The following DPH6 variants were observed in gnomAD, a reference collection of about 807,000 sequenced individuals.
DPH6 encodes diphthine--ammonia ligase.
In DPH6, 33 loss-of-function variants were observed where a neutral mutation model predicts 38.2. The observed-to-expected ratio is 0.86, with a 90% CI of 0.65 to 1.15. The LOEUF is 1.15. DPH6 is among the 50% of genes most tolerant of loss of function. The pLI is 0.00. For missense variants in DPH6, 325 were observed against 320.0 expected (o/e 1.02, Z -0.12); for synonymous variants, 108 against 103.0 (o/e 1.05, Z -0.30).
chr15:35,181,604 T>C, the DPH6 span, among the ~76,000 whole-genome samples: 1 of 152,156 alleles, frequency 6.6e-6, no homozygotes, highest in Admixed American at 6.6e-5. Flanking sequence ...CTACTTTAAC[T>C]GTCTTACATG....
chr15:35,462,618 C>G (rs757379717), intron 3 of DPH6, among the ~76,000 whole-genome samples: 20 of 152,212 alleles, frequency 1.3e-4, no homozygotes, highest in Non-Finnish European at 2.2e-4. Context: ...GTGAAAATAT[C>G]TCAGAGAGGA....
chr15:35,506,105 T>C (rs942051955), intron 3 of DPH6, among the ~76,000 whole-genome samples: 20 of 152,186 alleles, frequency 1.3e-4, no homozygotes, highest in Middle Eastern at 3.2e-3. Context: ...ATGTAAAGTT[T>C]ACTTTTCTTC....
chr15:35,372,056 G>A lies in DPH6; in HGVS notation c.*94C>T. ...TTCTCTAAAAAAATAAGAGTCATGAGAAAAAAATAAACTAGTCATAGTAAC... is the reference window on the plus strand; with the variant it reads ...TTCTCTAAAAAAATAAGAGTCATGAAAAAAAAATAAACTAGTCATAGTAAC... On this transcript the variant is annotated 3_prime_UTR_variant, in exon 9 of 9. Coordinates refer to ENST00000256538, the MANE Select transcript of DPH6 (RefSeq NM_080650.4). 1.4e-6 allele frequency: 2 copies of A among 1,448,934 alleles called. No homozygotes were observed. The highest frequency in any genetic ancestry group is 1.8e-6 in the Non-Finnish European group (2 of 1,104,970). 89.8% of individuals were successfully genotyped at this position (1,448,934 alleles called of 1,614,324 possible).
At chr15:35,545,057 G>A (rs2055324193) in intron 1 of DPH6, among the ~76,000 whole-genome samples, 1 of 152,180 alleles carries the variant, frequency 6.6e-6, no homozygotes, top group African/African-American at 2.4e-5. Flanking sequence ...AGACACTACA[G>A]TAGGTCTGAA....
intron 3 of DPH6, among the ~76,000 whole-genome samples, chr15:35,504,104 T>G (rs1469593462): frequency 6.6e-6 from 1 of 152,042 alleles, no homozygotes; most frequent in Non-Finnish European, 1.5e-5. Flanking sequence ...TCTCTGTACC[T>G]CCTACACAGT....
intron 3 of DPH6, among the ~76,000 whole-genome samples, chr15:35,495,153 G>C (rs2054532987): frequency 6.6e-6 from 1 of 152,128 alleles, no homozygotes; most frequent in South Asian, 2.1e-4. Context: ...CTAAACTCCA[G>C]TACCTCAGAT....
At position 35,521,339 on chromosome 15, in the gene DPH6, T is replaced by C. The variant is rs1002778971; in HGVS notation, c.312+16935A>G. On this transcript the variant is annotated intron_variant, in intron 3 of 8. Transcript: ENST00000256538. ...AATAAACAACCTTTTTTAATGAATG[T>C]TGAATGTACAATCCTATGAACCAAC... The C allele has an allele frequency of 2.4e-5, 24 of 1,010,844 alleles. No homozygotes were observed. The South Asian group carries it at 4.6e-4, about 20-fold the overall frequency. The allele number at this position is 1,010,844 out of a possible 1,614,324, so 62.6% of individuals were successfully genotyped here.
At chr15:35,402,686 G>A (rs533160173) in intron 6 of DPH6, among the ~76,000 whole-genome samples, 84 of 152,122 alleles carry the variant, frequency 5.5e-4, no homozygotes, top group Non-Finnish European at 1.1e-3. Context: ...TTCTACAGAA[G>A]TTTAAGAAAC....
chr15:35,465,072 TCA>T (rs1347876151), intron 3 of DPH6, among the ~76,000 whole-genome samples: 3 of 152,214 alleles, frequency 2.0e-5, no homozygotes, highest in African/African-American at 7.2e-5. Context: ...AAATGTTGGC[TCA>T]CAGAGCCAAC....
intron 8 of DPH6, among the ~76,000 whole-genome samples, chr15:35,372,767 C>A (rs1265849313): frequency 6.6e-6 from 1 of 151,920 alleles, no homozygotes. Context: ...AATCCTCTTA[C>A]TCCTTCAGAT....
intron 3 of DPH6, chr15:35,237,161 A>T: frequency 1.6e-6 from 1 of 611,634 alleles, no homozygotes; most frequent in Non-Finnish European, 2.9e-6. Flanking sequence ...TTCCTTATTT[A>T]AAAATTCAGC....
At chr15:35,338,235 T>A (rs2052389671) in intron 3 of DPH6, among the ~76,000 whole-genome samples, 1 of 151,546 alleles carries the variant, frequency 6.6e-6, no homozygotes, top group South Asian at 2.1e-4. Flanking sequence ...ACCATCAGAG[T>A]GAACAGGCAA....
the DPH6 span, among the ~76,000 whole-genome samples, chr15:35,165,955 A>G: frequency 6.6e-6 from 1 of 151,982 alleles, no homozygotes; most frequent in Non-Finnish European, 1.5e-5. Flanking sequence ...ATTTGGGGGC[A>G]GGTTTCTTAC....
intron 3 of DPH6, among the ~76,000 whole-genome samples, chr15:35,537,537 G>A (rs1234856515): frequency 2.0e-5 from 3 of 152,078 alleles, no homozygotes; most frequent in Non-Finnish European, 1.5e-5. Flanking sequence ...CATTTACTGA[G>A]TATAGTAACT....
chr15:35,434,763 T>TTTTG (rs142175910), intron 5 of DPH6, among the ~76,000 whole-genome samples: 1 of 152,032 alleles, frequency 6.6e-6, no homozygotes, highest in African/African-American at 2.4e-5. Context: ...CTAAGGCTTT[T>TTTTG]TTTGTTTGTT....
chr15:35,213,062 T>C (rs1429611262), downstream of DPH6, among the ~76,000 whole-genome samples: 1 of 152,232 alleles, frequency 6.6e-6, no homozygotes, highest in African/African-American at 2.4e-5. Flanking sequence ...CATGAAAATC[T>C]GATTTGGGAA....
intron 6 of DPH6, among the ~76,000 whole-genome samples, chr15:35,405,744 A>G (rs2053283702): frequency 6.6e-6 from 1 of 152,118 alleles, no homozygotes; most frequent in African/African-American, 2.4e-5. Flanking sequence ...GTTGAATAAC[A>G]GTGGTGAAAT....
At chr15:35,432,906 G>A (rs1364826887) in intron 5 of DPH6, among the ~76,000 whole-genome samples, 1 of 152,114 alleles carries the variant, frequency 6.6e-6, no homozygotes, top group Non-Finnish European at 1.5e-5. Context: ...GTCAGGTACT[G>A]AGCTCACTAT....
At chr15:35,521,475 A>G in intron 3 of DPH6, 1 of 1,200,358 alleles carries the variant, frequency 8.3e-7, no homozygotes, top group Non-Finnish European at 1.0e-6. Context: ...TGATCTAACA[A>G]AATTAATGCT....
Sources: allele counts gnomAD v4.1 joint callset (sites outside exome capture counted in the v4.1 genomes callset), GRCh38; gene constraint gnomAD v4.1.1; transcripts MANE v1.5; gene names NCBI Gene and HGNC (gene_info 2026-07-23, HGNC 2026-07-21).